CPM: variants seen among roughly 807,000 people sequenced by gnomAD.
CPM encodes renal carboxypeptidase.
In CPM, 35 loss-of-function variants were observed where a neutral mutation model predicts 46.4. That is an observed-to-expected ratio of 0.75 (90% confidence interval 0.58 to 1.00). The LOEUF (loss-of-function observed/expected upper bound fraction) is 1.00. CPM is among the 50% of genes least tolerant of loss of function. The pLI is 0.00. For synonymous variants in CPM, 195 were observed against 195.3 expected, an observed-to-expected ratio of 1.00 and a Z score of 0.01; for missense variants, 422 against 530.4, an observed-to-expected ratio of 0.80 and a Z score of 2.01.
At chr12:68,941,169 A>ATG (rs1162261173) in intron 1 of CPM, among the ~76,000 whole-genome samples, 2 of 95,610 alleles carry the variant, frequency 2.1e-5, no homozygotes, top group African/African-American at 1.1e-4. Flanking sequence ...TGTGCTGAGT[A>ATG]CGTGTGTGTG....
intron 3 of CPM, among the ~76,000 whole-genome samples, chr12:68,873,054 CAA>C (rs1177232238): frequency 6.6e-6 from 1 of 152,162 alleles, no homozygotes; most frequent in Non-Finnish European, 1.5e-5. Flanking sequence ...TAGACTACAT[CAA>C]ATTCTCCCTA....
At chr12:68,956,728 C>T (rs1470928939) in intron 1 of CPM, among the ~76,000 whole-genome samples, 4 of 152,328 alleles carry the variant, frequency 2.6e-5, no homozygotes, top group Non-Finnish European at 5.9e-5. Flanking sequence ...CCCACTCTTC[C>T]GTGTTTTTTC....
At chr12:68,849,066 A>G (rs1445054427), downstream of CPM, 1 of 150,074 alleles carries the variant, frequency 6.7e-6, no homozygotes, top group Admixed American at 6.7e-5. Context: ...TCGTTGGAAG[A>G]CTAAAGGTGT....
At chr12:68,862,453 C>T (rs1466488209) in intron 7 of CPM, among the ~76,000 whole-genome samples, 1 of 138,856 alleles carries the variant, frequency 7.2e-6, no homozygotes, top group Admixed American at 7.3e-5. Context: ...AGGCTGGTCT[C>T]GAACTCCTGA....
At position 68,844,924 on chromosome 12, in the gene CPM, C is replaced by T. The variant is rs141950263; in HGVS notation, c.534-2595G>A. Reference sequence around the variant, plus strand: ...CTGGGGTTAGAGCACCCTGTCACCACGCCCCGCTAATTTTTGTATTTCTAG... The same window carrying T: ...CTGGGGTTAGAGCACCCTGTCACCATGCCCCGCTAATTTTTGTATTTCTAG... On this transcript the variant is annotated intron_variant, in intron 5 of 5. Transcript: ENST00000551897. The T allele has an allele frequency of 1.3e-4, 26 of 198,676 alleles. No individual in the cohort carries two copies. In the East Asian group the frequency reaches 1.6e-3, roughly 12 times the overall value. The allele number at this position is 198,676 out of a possible 1,614,324, so 12.3% of individuals were successfully genotyped here.
chr12:68,896,643 A>T (rs1374404755), intron 2 of CPM, among the ~76,000 whole-genome samples: 1 of 152,230 alleles, frequency 6.6e-6, no homozygotes, highest in Non-Finnish European at 1.5e-5. Flanking sequence ...TTTCTAGATC[A>T]AATCAAGAGT....
intron 2 of CPM, among the ~76,000 whole-genome samples, chr12:68,895,432 A>G (rs988308004): frequency 1.3e-5 from 2 of 152,218 alleles, no homozygotes; most frequent in African/African-American, 4.8e-5. Context: ...CAACTGTTCA[A>G]TAATGGACAT....
At chr12:68,924,485 A>AG (rs1249329562) in intron 2 of CPM, among the ~76,000 whole-genome samples, 2 of 151,656 alleles carry the variant, frequency 1.3e-5, no homozygotes, top group Non-Finnish European at 2.9e-5. Context: ...ATATAGAAAA[A>AG]AAAAAAAGGC....
intron 2 of CPM, among the ~76,000 whole-genome samples, chr12:68,910,779 A>G (rs767268293): frequency 3.3e-5 from 5 of 152,278 alleles, no homozygotes; most frequent in South Asian, 2.1e-4. Flanking sequence ...TACAAATACA[A>G]TGCTGTATAT....
At chr12:68,956,883 T>C (rs565135826) in intron 1 of CPM, among the ~76,000 whole-genome samples, 14 of 152,340 alleles carry the variant, frequency 9.2e-5, no homozygotes, top group Admixed American at 5.2e-4. Context: ...ACAGGTCTGG[T>C]AAATTCCTGT....
In CPM at chr12:68,890,369, A is replaced by T. The variant is rs757742603; in HGVS notation, c.161-4480T>A. On this transcript the variant is annotated intron_variant, in intron 2 of 8. Transcript: ENST00000551568. ...TCCATCTTTCCAGTTTTTTTAATTT[A>T]AAAAAAAAAAAACCAAACCCTATCA... 1.8e-4 allele frequency among the ~76,000 whole-genome samples: 18 copies of T among 101,030 alleles called. No individual in the cohort carries two copies. The South Asian group carries it at 2.9e-3, about 16-fold the overall frequency. 66.3% of individuals were successfully genotyped at this position (101,030 alleles called of 152,430 possible).
intron 1 of CPM, among the ~76,000 whole-genome samples, chr12:68,941,170 CGT>C (rs370705580): frequency 0.017 from 2,332 of 140,102 alleles, 15 homozygotes; most frequent in South Asian, 0.022. Context: ...GTGCTGAGTA[CGT>C]GTGTGTGTGT....
At chr12:68,859,792 C>T (rs1369388259) in intron 7 of CPM, among the ~76,000 whole-genome samples, 44 of 152,152 alleles carry the variant, frequency 2.9e-4, no homozygotes, top group Non-Finnish European at 1.0e-4. Flanking sequence ...ATGATAGTCT[C>T]GACAGCCCCT....
chr12:68,867,264 C>G (rs1144949), intron 6 of CPM, among the ~76,000 whole-genome samples: 1 of 152,004 alleles, frequency 6.6e-6, no homozygotes, highest in African/African-American at 2.4e-5. Flanking sequence ...TCAGAGCTGA[C>G]TGAAGTTCAA....
chr12:68,906,924 G>T (rs1306106820), intron 2 of CPM, among the ~76,000 whole-genome samples: 2 of 152,188 alleles, frequency 1.3e-5, no homozygotes, highest in East Asian at 3.8e-4. Flanking sequence ...TTCCGTCAGG[G>T]AATGGGAACC....
downstream of CPM, chr12:68,847,476 C>G: frequency 2.9e-5 from 1 of 34,966 alleles, no homozygotes; most frequent in African/African-American, 3.0e-4. Flanking sequence ...TTTTTTGAGA[C>G]GGAGTCCCGC....
intron 2 of CPM, among the ~76,000 whole-genome samples, chr12:68,922,505 C>A (rs908181830): frequency 6.6e-6 from 1 of 152,172 alleles, no homozygotes. Context: ...GTAGTAGGCA[C>A]TATCATTACT....
At chr12:68,865,597 C>G (rs963943769) in intron 7 of CPM, among the ~76,000 whole-genome samples, 1 of 151,974 alleles carries the variant, frequency 6.6e-6, no homozygotes, top group African/African-American at 2.4e-5. Flanking sequence ...TGCAGCAAAC[C>G]TTTTCAACAC....
chr12:68,891,736 G>C (rs1414763482), intron 2 of CPM, among the ~76,000 whole-genome samples: 1 of 151,964 alleles, frequency 6.6e-6, no homozygotes, highest in Non-Finnish European at 1.5e-5. Context: ...TGTTTTTTTG[G>C]GTTTTTTTTT....
Sources: allele counts gnomAD v4.1 joint callset (sites outside exome capture counted in the v4.1 genomes callset), GRCh38; gene constraint gnomAD v4.1.1; transcripts MANE v1.5; gene names NCBI Gene and HGNC (gene_info 2026-07-23, HGNC 2026-07-21).